MICAL1: variants seen among roughly 807,000 people sequenced by gnomAD.
The protein encoded by MICAL1 is microtubule associated monooxygenase, calponin and LIM domain containing 1, also known as [F-actin]-monooxygenase MICAL1.
A neutral mutation model predicts 131.8 loss-of-function variants in MICAL1; 95 were observed. The ratio of observed to expected loss-of-function variants is 0.72; its 90% CI spans 0.61 to 0.86. The LOEUF (loss-of-function observed/expected upper bound fraction) is 0.86, where lower values mean the gene tolerates loss of function less well. MICAL1 is among the 40% of genes least tolerant of loss of function. MICAL1 has a pLI of 0.00. For synonymous variants in MICAL1, 546 were observed against 554.2 expected (o/e 0.99, Z 0.21); for missense variants, 1,292 against 1,380.6 (o/e 0.94, Z 1.02).
Position 109,455,742 on chromosome 6 carries a change from G to A in MICAL1, c.-67C>T, listed in dbSNP as rs1366378528. 4.1e-6 allele frequency: 4 copies of A among 978,266 alleles called. No individual in the cohort carries two copies. The highest frequency in any genetic ancestry group is 1.2e-4 in the East Asian group (1 of 8,392). The allele number at this position is 978,266 out of a possible 1,614,324, so 60.6% of individuals were successfully genotyped here. ...ACCGGCGGCTCCGAAGCCGGGAGGG[G>A]CCGCTTCCTGTTGGGCTGGCAACCA... On this transcript the variant is annotated 5_prime_UTR_variant, in exon 1 of 25. Coordinates refer to ENST00000358807, the MANE Select transcript of MICAL1 (RefSeq NM_022765.4). The surrounding 1 kb of genome is among the most constrained non-coding windows in gnomAD (Gnocchi z 4.7).
intron 1 of MICAL1, among the ~76,000 whole-genome samples, chr6:109,454,508 A>T (rs1562294320): frequency 6.6e-6 from 1 of 152,182 alleles, no homozygotes; most frequent in Non-Finnish European, 1.5e-5. Context: ...CCTCCAGTTC[A>T]GCCTCCCTGT....
At position 109,447,090 on chromosome 6, in the gene MICAL1, TCGTAGC is replaced by T; in HGVS notation, c.2204_2209del (p.Gly735_Tyr736del). 1 of 1,614,046 alleles carries T rather than the reference TCGTAGC, an allele frequency of 6.2e-7. No homozygotes were observed. Among genetic ancestry groups the T allele is most frequent in the Non-Finnish European group, 8.5e-7 (1 of 1,180,008 alleles). On this transcript the variant is annotated inframe_deletion, in exon 17 of 25. Transcript: ENST00000358807. ...CCACTCACCATCTCCTGGGTGCTGC[TCGTAGC>T]CACCTGGCCACAGTGTGGCCTCACA...
rs1303186391 is a variant in MICAL1 at position 109,446,408 on chromosome 6, A to C, written c.2309T>G (p.Leu770Arg). 1 of 1,126,488 alleles carries C rather than the reference A, an allele frequency of 8.9e-7. No homozygotes were observed. Among genetic ancestry groups the C allele is most frequent in the Non-Finnish European group, 1.2e-6 (1 of 868,246 alleles). 69.8% of individuals were successfully genotyped at this position (1,126,488 alleles called of 1,614,324 possible). A position where few individuals can be genotyped will look rare whatever the true frequency, so the allele number is the denominator to read the frequency against. ...GSDRGPESPE[L>R]PTPSENSMPP... ...CATGCTATTCTCACTTGGTGTGGGG[A>C]GCTCCTGGAAAAGCCACCATGTGGA... is the stretch of plus-strand genomic sequence containing the variant. Residue 770 changes from leucine to arginine, a missense_variant, in exon 19 of 25, where the codon CTC becomes CGC. Coordinates refer to ENST00000358807, the MANE Select transcript of MICAL1 (RefSeq NM_022765.4).
chr6:109,451,949 T>A, intron 6 of MICAL1: 1 of 1,390,690 alleles, frequency 7.2e-7, no homozygotes, highest in Non-Finnish European at 9.3e-7. Flanking sequence ...CACCACCTGG[T>A]CGCATGGCAG....
Position 109,450,434 on chromosome 6 carries a change from G to A in MICAL1, c.1057C>T (p.Gln353Ter), listed in dbSNP as rs1009508487. Reference protein sequence around the residue: ...HGKLGKLEFAQDAHGQPDVSA... With the variant: ...HGKLGKLEFA ...ACATCAGGCTGCCCATGGGCATCCTGGGCAAACTCTAGTTTCCCGAGCTTG... is the reference window on the plus strand; with the variant it reads ...ACATCAGGCTGCCCATGGGCATCCTAGGCAAACTCTAGTTTCCCGAGCTTG... The change falls in exon 8 of 25, where the codon CAG becomes TAG. Residue 353 changes from glutamine (Q) to a stop codon, truncating the protein, a stop_gained. Transcript: ENST00000358807. LOFTEE classifies it high-confidence loss of function. 6.2e-7 allele frequency: 1 copy of A among 1,613,588 alleles called. No individual in the cohort carries two copies. The highest frequency in any genetic ancestry group is 1.7e-5 in the Admixed American group (1 of 60,032).
At position 109,455,639 on chromosome 6, in the gene MICAL1, A is replaced by G; in HGVS notation, c.-44+80T>C. ...CCAGGCGTGGTTCCCGAGCGACCGC[A>G]GCTGCGTTTCCCCGGAAGCGCACCC... is the stretch of plus-strand genomic sequence containing the variant. On this transcript the variant is annotated intron_variant, in intron 1 of 24. Transcript: ENST00000358807. This position sits in a 1 kb window ranked among gnomAD's most constrained non-coding sequence, Gnocchi z 4.7. 1.1e-6 allele frequency: 1 copy of G among 910,138 alleles called. No homozygotes were observed. The highest frequency in any genetic ancestry group is 1.3e-6 in the Non-Finnish European group (1 of 760,966). The allele number at this position is 910,138 out of a possible 1,614,324, so 56.4% of individuals were successfully genotyped here. A position where few individuals can be genotyped will look rare whatever the true frequency, so the allele number is the denominator to read the frequency against.
At chr6:109,447,274 G>C in intron 16 of MICAL1, 45 bp from the exon 17 acceptor site, 1 of 1,613,910 alleles carries the variant, frequency 6.2e-7, no homozygotes, top group Non-Finnish European at 8.5e-7. Flanking sequence ...GCCAAGGCCA[G>C]CTCCAAAGTT....
chr6:109,446,831 G>A (rs553413968), intron 17 of MICAL1, 59 bp from the exon 18 acceptor site: 76 of 1,491,810 alleles, frequency 5.1e-5, no homozygotes, highest in African/African-American at 1.2e-4. Flanking sequence ...GCCCAGACAC[G>A]CAACAGTTTA....
At chr6:109,449,153 C>T (rs1775394442) in intron 11 of MICAL1, 2 of 663,568 alleles carry the variant, frequency 3.0e-6, no homozygotes, top group Non-Finnish European at 5.3e-6. Context: ...GGGAGGTTGC[C>T]AGCACCACTA....
chr6:109,465,792 A>G, exon 1 of MICAL1: 1 of 1,614,082 alleles, frequency 6.2e-7, no homozygotes, highest in Non-Finnish European at 8.5e-7. Context: ...AGCGTTCAAA[A>G]TCCAGTCAGA....
upstream of MICAL1, among the ~76,000 whole-genome samples, chr6:109,457,397 C>T (rs1400906912): frequency 6.6e-6 from 1 of 152,156 alleles, no homozygotes; most frequent in Non-Finnish European, 1.5e-5. Context: ...TGGGCTCCAC[C>T]ACCCCAGGGT....
chr6:109,465,421 A>AC, intron 1 of MICAL1: 4 of 545,706 alleles, frequency 7.3e-6, no homozygotes, highest in Non-Finnish European at 1.3e-5. Context: ...GCCTAAGAAA[A>AC]ATAAGAAAAT....
chr6:109,447,133 G>A lies in MICAL1; in HGVS notation c.2167C>T (p.Arg723Cys), dbSNP rs149976085. ...NGHFFHRSCFRCHTCEATLWP... is the reference protein window; with the variant it reads ...NGHFFHRSCFCCHTCEATLWP... ...AGTGTGGCCTCACAGGTATGGCAGC[G>A]GAAGCAGCTCCGGTGGAAGAAATGG... Residue 723 changes from arginine (R) to cysteine (C), a missense_variant, in exon 17 of 25, where the codon CGC becomes TGC. Physicochemically the swap from Arg to Cys is radical, Grantham distance 180 (BLOSUM62 -3). Coordinates refer to ENST00000358807, the MANE Select transcript of MICAL1 (RefSeq NM_022765.4). The A allele has an allele frequency of 4.2e-4, 685 of 1,614,070 alleles. 1 individual carries two copies. Among genetic ancestry groups the A allele is most frequent in the Non-Finnish European group, 5.5e-4 (644 of 1,180,034 alleles).
upstream of MICAL1, among the ~76,000 whole-genome samples, chr6:109,457,237 AAAAC>A (rs1237612485): frequency 2.6e-5 from 4 of 152,224 alleles, no homozygotes; most frequent in African/African-American, 7.2e-5. Context: ...TCACGCTCAG[AAAAC>A]TAGGGCAGCC....
intron 1 of MICAL1, among the ~76,000 whole-genome samples, chr6:109,461,482 G>A (rs1016175660): frequency 1.3e-5 from 2 of 152,130 alleles, no homozygotes; most frequent in African/African-American, 4.8e-5. Flanking sequence ...GCACATGCTT[G>A]TAATCCCAGC....
Position 109,455,705 on chromosome 6 carries a change from G to A in MICAL1, c.-44+14C>T, listed in dbSNP as rs1582656885. 1 of 984,620 alleles carries A rather than the reference G, an allele frequency of 1.0e-6. No individual in the cohort carries two copies. The highest frequency in any genetic ancestry group is 1.2e-6 in the Non-Finnish European group (1 of 829,728). 61.0% of individuals were successfully genotyped at this position (984,620 alleles called of 1,614,324 possible). On this transcript the variant is annotated intron_variant, in intron 1 of 24. Coordinates refer to ENST00000358807, the MANE Select transcript of MICAL1 (RefSeq NM_022765.4). The surrounding 1 kb of genome is among the most constrained non-coding windows in gnomAD (Gnocchi z 4.7). Reference sequence around the variant, plus strand: ...GGCCGCGGGGCTCGCAGCCGGCTCCGCTGGACGACTTACCGGCGGCTCCGA... The same window carrying A: ...GGCCGCGGGGCTCGCAGCCGGCTCCACTGGACGACTTACCGGCGGCTCCGA...
chr6:109,445,799 T>G lies in MICAL1; in HGVS notation c.2645A>C (p.Asp882Ala), dbSNP rs369062311. The change falls in exon 20 of 25, where the codon GAT (aspartate) becomes GCT (alanine). Residue 882 changes from aspartate to alanine, a missense_variant. Asp to Ala is a moderately radical substitution (Grantham distance 126). Transcript: ENST00000358807. ...TTCCACATCTGAGTCCAAAGGCACA[T>G]CTTCTTCTTCCTCTTCACTGGAGAA... is the stretch of plus-strand genomic sequence containing the variant. ...SPFSSEEEEE[D>A]VPLDSDVEQA... 7 of 1,611,292 alleles carry G rather than the reference T, an allele frequency of 4.3e-6. No individual in the cohort carries two copies. Among genetic ancestry groups the G allele is most frequent in the Non-Finnish European group, 5.9e-6 (7 of 1,178,982 alleles).
intron 6 of MICAL1, 183 bp from the exon 7 acceptor site, chr6:109,451,883 C>G: frequency 7.1e-7 from 1 of 1,403,340 alleles, no homozygotes; most frequent in Non-Finnish European, 9.2e-7. Flanking sequence ...CCCAGGAGGC[C>G]TGAGGACTTA....
At position 109,450,050 on chromosome 6, in the gene MICAL1, G is replaced by A. The variant is rs1251126029; in HGVS notation, c.1227C>T (p.Gly409=). 9 of 1,614,118 alleles carry A rather than the reference G, an allele frequency of 5.6e-6. No homozygotes were observed. The highest frequency in any genetic ancestry group is 1.7e-5 in the Admixed American group (1 of 60,022). The part of the protein sequence containing the change: ...FWPLGTGVAR[G]FLAAFDAAWM... ...AGGCTGCATCAAAGGCTGCCAGGAA[G>A]CCCCGTGCCACTCCAGTGCCCAGGG... The change falls in exon 9 of 25, where the codon GGC becomes GGT. Residue 409 remains glycine (G), a synonymous_variant. Coordinates refer to ENST00000358807, the MANE Select transcript of MICAL1 (RefSeq NM_022765.4).
Sources: allele counts gnomAD v4.1 joint callset (sites outside exome capture counted in the v4.1 genomes callset), GRCh38; gene constraint gnomAD v4.1.1; non-coding constraint Gnocchi (gnomAD v3.1); transcripts MANE v1.5; gene names NCBI Gene and HGNC (gene_info 2026-07-23, HGNC 2026-07-21).